The following ADGRB3 variants were observed in gnomAD, a reference collection of about 807,000 sequenced individuals.
ADGRB3 encodes adhesion G protein-coupled receptor B3, also known as brain-specific angiogenesis inhibitor 3.
A neutral mutation model predicts 193.4 loss-of-function variants in ADGRB3; 37 were observed. That is an observed-to-expected ratio of 0.19 (90% CI 0.15 to 0.25). The LOEUF is 0.25. Among genes scored for constraint, ADGRB3 ranks in the 10% least tolerant of loss-of-function variants. The pLI is 1.00. For synonymous variants in ADGRB3, 690 were observed against 644.2 expected (o/e 1.07, Z -1.08); for missense variants, 1,637 against 1,852.9 (o/e 0.88, Z 2.14).
intron 20 of ADGRB3, among the ~76,000 whole-genome samples, chr6:69,309,414 G>A (rs1768134319): frequency 6.6e-6 from 1 of 151,626 alleles, no homozygotes; most frequent in Non-Finnish European, 1.5e-5. Flanking sequence ...TAGAACCCTG[G>A]AAGAATGCAT....
At chr6:69,257,253 G>A (rs911887049) in intron 20 of ADGRB3, among the ~76,000 whole-genome samples, 3 of 152,052 alleles carry the variant, frequency 2.0e-5, no homozygotes, top group Non-Finnish European at 4.4e-5. Context: ...TTTTTCTATT[G>A]ATTGGAATAG....
At chr6:69,049,395 A>T (rs199593625) in intron 15 of ADGRB3, 49 bp downstream of exon 15, 1 of 1,329,148 alleles carries the variant, frequency 7.5e-7, no homozygotes, top group East Asian at 2.3e-5. Flanking sequence ...TTATTCCAAA[A>T]TGTGATTATA....
At chr6:68,729,530 C>A (rs931783811) in intron 3 of ADGRB3, among the ~76,000 whole-genome samples, 1 of 151,468 alleles carries the variant, frequency 6.6e-6, no homozygotes, top group Non-Finnish European at 1.5e-5. Flanking sequence ...ATTTCTCTTG[C>A]CCCATAGATC....
intron 3 of ADGRB3, among the ~76,000 whole-genome samples, chr6:68,802,749 T>C (rs1467656778): frequency 1.3e-5 from 2 of 152,224 alleles, no homozygotes; most frequent in Admixed American, 1.3e-4. Context: ...GGATTCATCA[T>C]GGGAACCCAA....
At chr6:68,721,650 ATATAT>A (rs1562005589) in intron 3 of ADGRB3, among the ~76,000 whole-genome samples, 5 of 144,850 alleles carry the variant, frequency 3.5e-5, no homozygotes, top group East Asian at 4.0e-4. Context: ...ATATATATAT[ATATAT>A]AAATTATCAT....
At chr6:68,706,027 G>T (rs1273924474) in intron 3 of ADGRB3, among the ~76,000 whole-genome samples, 1 of 152,128 alleles carries the variant, frequency 6.6e-6, no homozygotes, top group Non-Finnish European at 1.5e-5. Flanking sequence ...ATACTGAAGT[G>T]GGGGGCATTC....
intron 20 of ADGRB3, among the ~76,000 whole-genome samples, chr6:69,273,707 C>T (rs1334595489): frequency 6.6e-6 from 1 of 152,106 alleles, no homozygotes; most frequent in African/African-American, 2.4e-5. Flanking sequence ...CCAGTAATGC[C>T]GAGGAAAAAC....
intron 16 of ADGRB3, among the ~76,000 whole-genome samples, chr6:69,063,716 A>G (rs370163581): frequency 5.8e-4 from 89 of 152,156 alleles, no homozygotes; most frequent in African/African-American, 2.0e-3. Context: ...AATGAAAAGA[A>G]CCCATTCTTA....
intron 3 of ADGRB3, among the ~76,000 whole-genome samples, chr6:68,840,987 C>A (rs565634016): frequency 1.3e-3 from 192 of 152,204 alleles, no homozygotes; most frequent in African/African-American, 4.5e-3. Flanking sequence ...AAGACAAAAG[C>A]TATTAAATGA....
chr6:69,357,754 A>C (rs1769365246), intron 28 of ADGRB3, among the ~76,000 whole-genome samples: 1 of 151,970 alleles, frequency 6.6e-6, no homozygotes, highest in Admixed American at 6.6e-5. Flanking sequence ...ATGATTTGGC[A>C]ACCTGTAGTG....
At chr6:69,269,810 A>T (rs771021375) in intron 20 of ADGRB3, among the ~76,000 whole-genome samples, 17 of 152,314 alleles carry the variant, frequency 1.1e-4, no homozygotes, top group South Asian at 1.0e-3. Context: ...TTCCTGTATC[A>T]TAATTTCCTT....
chr6:68,932,944 A>G (rs982639948), intron 4 of ADGRB3, among the ~76,000 whole-genome samples: 3 of 130,746 alleles, frequency 2.3e-5, no homozygotes, highest in African/African-American at 7.8e-5. Flanking sequence ...GATTGTAATT[A>G]AAAGCAATCT....
intron 3 of ADGRB3, among the ~76,000 whole-genome samples, chr6:68,714,850 C>A (rs998942304): frequency 8.6e-5 from 13 of 151,500 alleles, no homozygotes; most frequent in Non-Finnish European, 1.8e-4. Flanking sequence ...AGCTTTGTAA[C>A]CCTTGGGAAT....
At chr6:69,264,730 G>A (rs1471998550) in intron 20 of ADGRB3, among the ~76,000 whole-genome samples, 1 of 151,394 alleles carries the variant, frequency 6.6e-6, no homozygotes. Context: ...CTTCAGAAAT[G>A]AATTGTAATG....
intron 20 of ADGRB3, among the ~76,000 whole-genome samples, chr6:69,270,063 C>T (rs530553633): frequency 1.2e-3 from 188 of 152,186 alleles, no homozygotes; most frequent in Middle Eastern, 3.4e-3. Context: ...ATGGCTGTGG[C>T]ACTTTTTGGA....
At chr6:68,765,748 A>G (rs1307534456) in intron 3 of ADGRB3, among the ~76,000 whole-genome samples, 2 of 152,198 alleles carry the variant, frequency 1.3e-5, no homozygotes, top group African/African-American at 2.4e-5. Flanking sequence ...TACTAATATC[A>G]TAAAATTGGA....
At chr6:68,982,927 T>A (rs944405720) in intron 10 of ADGRB3, among the ~76,000 whole-genome samples, 1 of 151,610 alleles carries the variant, frequency 6.6e-6, no homozygotes, top group African/African-American at 2.4e-5. Flanking sequence ...ATTAAATATT[T>A]GGCTTACCTC....
At chr6:69,214,490 A>G (rs527819299) in intron 17 of ADGRB3, among the ~76,000 whole-genome samples, 1 of 152,220 alleles carries the variant, frequency 6.6e-6, no homozygotes, top group African/African-American at 2.4e-5. Context: ...GCTATGTTTT[A>G]TTAACAGAAG....
chr6:68,723,294 C>T (rs551187598), intron 3 of ADGRB3, among the ~76,000 whole-genome samples: 4 of 151,690 alleles, frequency 2.6e-5, no homozygotes, highest in Non-Finnish European at 5.9e-5. Context: ...GGTGGTTCTT[C>T]TTTAACTGGT....
Sources: gnomAD v4.1 joint callset for allele counts (sites outside exome capture counted in the v4.1 genomes callset) on GRCh38, gnomAD v4.1.1 for gene constraint, MANE v1.5 for transcripts, NCBI Gene and HGNC (gene_info 2026-07-23, HGNC 2026-07-21) for gene names.